Variants in ARHGEF38 observed in about 807,000 individuals in gnomAD.
ARHGEF38 encodes the protein Rho guanine nucleotide exchange factor 38.
ARHGEF38 carries 79 observed loss-of-function variants against 79.9 expected under a neutral mutation model. The observed-to-expected ratio is 0.99, with a 90% CI of 0.82 to 1.19. The LOEUF (loss-of-function observed/expected upper bound fraction) is 1.19, where lower values mean the gene tolerates loss of function less well. ARHGEF38 is among the 50% of genes most tolerant of loss of function. ARHGEF38 has a pLI of 0.00. For missense variants in ARHGEF38, 962 were observed against 907.2 expected (o/e 1.06, Z -0.78); for synonymous variants, 366 against 328.3 (o/e 1.11, Z -1.24).
chr4:105,669,032 G>A (rs1258080677), intron 13 of ARHGEF38, among the ~76,000 whole-genome samples: 2 of 151,982 alleles, frequency 1.3e-5, no homozygotes, highest in African/African-American at 4.8e-5. Context: ...GGCAACAGAG[G>A]GAGATCCTGT....
rs80098267 is a variant in ARHGEF38, at chr4:105,597,360, A to G, written c.384+7925A>G. Among the ~76,000 whole-genome samples, 558 of 152,336 alleles carry G rather than the reference A, an allele frequency of 3.7e-3. 1 individual carries two copies. Among genetic ancestry groups the G allele is most frequent in the African/African-American group, 0.013 (538 of 41,586 alleles). On this transcript the variant is annotated intron_variant, in intron 2 of 13. Transcript: ENST00000420470. ...TCGATGGTCACAGAGGACTCTTGTC[A>G]AAATTGTTTTCTCCAGCTGTCACCT...
At chr4:105,620,472 A>T (rs529679308) in intron 3 of ARHGEF38, among the ~76,000 whole-genome samples, 1 of 152,340 alleles carries the variant, frequency 6.6e-6, no homozygotes, top group Non-Finnish European at 1.5e-5. Context: ...ATTAATATCC[A>T]ATAGATGATG....
chr4:105,622,759 A>G (rs1728789697), intron 3 of ARHGEF38, among the ~76,000 whole-genome samples: 1 of 152,184 alleles, frequency 6.6e-6, no homozygotes, highest in South Asian at 2.1e-4. Context: ...TCCTAAAGAC[A>G]ATGAAGCAAA....
chr4:105,666,199 T>C lies in ARHGEF38; in HGVS notation c.1568T>C (p.Ile523Thr), dbSNP rs1283056158. The C allele has an allele frequency of 1.3e-6, 2 of 1,527,460 alleles. No homozygotes were observed. The highest frequency in any genetic ancestry group is 1.7e-6 in the Non-Finnish European group (2 of 1,144,496). The allele number at this position is 1,527,460 out of a possible 1,614,324, so 94.6% of individuals were successfully genotyped here. ...LVPMPLLVSS[I>T]SEIQNQVLEE... ...TAGATGCCACTGTTGGTTTCAAGCA[T>C]TTCTGAGATTCAGAATCAAGTACTA... Residue 523 changes from isoleucine (I) to threonine (T), a missense_variant, in exon 11 of 14, where the codon ATT (isoleucine) becomes ACT (threonine). Ile to Thr is a moderately conservative substitution (Grantham distance 89). Transcript: ENST00000420470.
intron 5 of ARHGEF38, among the ~76,000 whole-genome samples, chr4:105,639,651 A>G (rs1248088004): frequency 6.6e-6 from 1 of 152,044 alleles, no homozygotes; most frequent in African/African-American, 2.4e-5. Context: ...CCCACTGAAT[A>G]GGATTGTCAA....
chr4:105,591,916 G>A (rs1279149904), intron 2 of ARHGEF38, among the ~76,000 whole-genome samples: 1 of 152,102 alleles, frequency 6.6e-6, no homozygotes, highest in Non-Finnish European at 1.5e-5. Flanking sequence ...AATGTTTTCT[G>A]CTGTGTTTTC....
intron 2 of ARHGEF38, among the ~76,000 whole-genome samples, chr4:105,594,806 C>T (rs953487941): frequency 6.6e-6 from 1 of 152,168 alleles, no homozygotes; most frequent in Non-Finnish European, 1.5e-5. Flanking sequence ...ACATCAAACT[C>T]AGCAGTTACA....
chr4:105,579,600 T>C (rs1578273476), intron 1 of ARHGEF38, among the ~76,000 whole-genome samples: 1 of 152,144 alleles, frequency 6.6e-6, no homozygotes, highest in Non-Finnish European at 1.5e-5. Flanking sequence ...TGTGGTGAAT[T>C]AGCTTTTTGA....
intron 1 of ARHGEF38, among the ~76,000 whole-genome samples, chr4:105,576,955 G>A (rs1028781919): frequency 6.6e-6 from 1 of 151,806 alleles, no homozygotes; most frequent in African/African-American, 2.4e-5. Context: ...CGGCAACCTG[G>A]GTATGAAACA....
rs1397164897 is a variant in ARHGEF38, at chr4:105,678,275, T to C, written c.*338T>C. 5.5e-6 allele frequency: 1 copy of C among 183,276 alleles called. No individual in the cohort carries two copies. Among genetic ancestry groups the C allele is most frequent in the Non-Finnish European group, 1.1e-5 (1 of 88,062 alleles). The allele number at this position is 183,276 out of a possible 1,614,324, so 11.4% of individuals were successfully genotyped here. ...GATCCAAAGGTTTTTCAATTTACTT[T>C]TTTTTTTACTGTATGATGTATTTTG... On this transcript the variant is annotated 3_prime_UTR_variant, in exon 14 of 14. Transcript: ENST00000420470.
At chr4:105,558,542 A>G (rs1464175145) in intron 1 of ARHGEF38, among the ~76,000 whole-genome samples, 1 of 152,222 alleles carries the variant, frequency 6.6e-6, no homozygotes, top group Non-Finnish European at 1.5e-5. Flanking sequence ...TCTAAAAGGC[A>G]AGACGCTTTA....
intron 1 of ARHGEF38, among the ~76,000 whole-genome samples, chr4:105,574,389 T>G (rs1158521169): frequency 6.6e-6 from 1 of 151,622 alleles, no homozygotes; most frequent in Non-Finnish European, 1.5e-5. Flanking sequence ...CTACTAAAGA[T>G]ACAAAAAAAA....
intron 2 of ARHGEF38, among the ~76,000 whole-genome samples, chr4:105,602,178 G>T (rs1727853211): frequency 6.6e-6 from 1 of 152,172 alleles, no homozygotes; most frequent in African/African-American, 2.4e-5. Context: ...AACCACAGGA[G>T]CAAGAGTAGG....
intron 7 of ARHGEF38, among the ~76,000 whole-genome samples, chr4:105,652,961 C>G (rs1730167562): frequency 6.6e-6 from 1 of 152,188 alleles, no homozygotes; most frequent in South Asian, 2.1e-4. Context: ...ATGAACCAAG[C>G]ACTGCTATGG....
intron 1 of ARHGEF38, among the ~76,000 whole-genome samples, chr4:105,567,196 T>A (rs1322947104): frequency 6.6e-6 from 1 of 152,228 alleles, no homozygotes; most frequent in Non-Finnish European, 1.5e-5. Context: ...AATGATGGGA[T>A]ATTATTCTTT....
chr4:105,663,970 C>CAAA (rs58428081), intron 10 of ARHGEF38, among the ~76,000 whole-genome samples: 1 of 107,728 alleles, frequency 9.3e-6, no homozygotes, highest in Non-Finnish European at 2.1e-5. Flanking sequence ...AACTCCGTCT[C>CAAA]AAAAAAAAAA....
At chr4:105,619,655 G>A (rs1277482751) in intron 3 of ARHGEF38, among the ~76,000 whole-genome samples, 1 of 152,008 alleles carries the variant, frequency 6.6e-6, no homozygotes, top group African/African-American at 2.4e-5. Context: ...GGTGCAAAAG[G>A]CTTTCTAAAT....
intron 1 of ARHGEF38, among the ~76,000 whole-genome samples, chr4:105,571,162 C>T (rs763154490): frequency 6.6e-6 from 1 of 151,904 alleles, no homozygotes; most frequent in African/African-American, 2.4e-5. Context: ...AAAATAGTTA[C>T]CATTATACAT....
chr4:105,610,794 G>A (rs1728261059), intron 2 of ARHGEF38, among the ~76,000 whole-genome samples: 2 of 151,986 alleles, frequency 1.3e-5, no homozygotes, highest in Non-Finnish European at 1.5e-5. Flanking sequence ...ACTAAGCTAA[G>A]ATTACAGATA....
Sources: gnomAD v4.1 joint callset for allele counts (sites outside exome capture counted in the v4.1 genomes callset) on GRCh38, gnomAD v4.1.1 for gene constraint, MANE v1.5 for transcripts, NCBI Gene and HGNC (gene_info 2026-07-23, HGNC 2026-07-21) for gene names.